The following LPP variants were observed in gnomAD, a reference collection of about 807,000 sequenced individuals.
LPP encodes the protein lipoma-preferred partner.
In LPP, 38 loss-of-function variants were observed where a neutral mutation model predicts 60.4. The ratio of observed to expected loss-of-function variants is 0.63; its 90% CI spans 0.49 to 0.83. The LOEUF is 0.83. Ranked by LOEUF, LPP falls within the 40% of genes least tolerant of loss-of-function variation. LPP has a pLI of 0.00. For synonymous variants in LPP, 328 were observed against 290.8 expected, an observed-to-expected ratio of 1.13 and a Z score of -1.30; for missense variants, 902 against 783.6, an observed-to-expected ratio of 1.15 and a Z score of -1.80.
intron 7 of LPP, among the ~76,000 whole-genome samples, chr3:188,695,505 G>A (rs969325416): frequency 3.3e-5 from 5 of 152,108 alleles, no homozygotes; most frequent in Non-Finnish European, 5.9e-5. Flanking sequence ...ACAAATAATC[G>A]TGCGCCACTG....
At chr3:188,780,165 G>T (rs766857490) in intron 9 of LPP, among the ~76,000 whole-genome samples, 1 of 152,080 alleles carries the variant, frequency 6.6e-6, no homozygotes, top group African/African-American at 2.4e-5. Flanking sequence ...GGAGAGTTCC[G>T]ACGAGGTACA....
Position 188,556,375 on chromosome 3 carries a change from A to G in LPP, c.429+31588A>G, listed in dbSNP as rs575620270. ...TTTTACTTTTGAAAGGAAAGAAATGATATGTTTTGTCTCATAGGTTTATTG... is the reference window on the plus strand; with the variant it reads ...TTTTACTTTTGAAAGGAAAGAAATGGTATGTTTTGTCTCATAGGTTTATTG... On this transcript the variant is annotated intron_variant, in intron 6 of 11. Transcript: ENST00000617246. 7.2e-5 allele frequency among the ~76,000 whole-genome samples: 11 copies of G among 152,120 alleles called. No homozygotes were observed. In the South Asian group the frequency reaches 2.1e-3, roughly 29 times the overall value.
At position 188,609,774 on chromosome 3, in the gene LPP, T is replaced by A. The variant is rs570145252; in HGVS notation, c.1043T>A (p.Val348Asp). The change falls in exon 7 of 12, where the codon GTC (valine) becomes GAC (aspartate). Residue 348 changes from valine (V) to aspartate (D), a missense_variant. Physicochemically the swap from Val to Asp is radical, Grantham distance 152 (BLOSUM62 -3). Coordinates refer to ENST00000617246, the MANE Select transcript of LPP (RefSeq NM_001375462.1). The surrounding 1 kb of genome is among the most constrained non-coding windows in gnomAD (Gnocchi z 6.9). ...CAGAACCCTCCTGGGATGTATCCAG[T>A]CACTGGTCCCAAGAAGACCTATATC... ...GNQNPPGMYP[V>D]TGPKKTYITD... 1.5e-5 allele frequency: 24 copies of A among 1,614,022 alleles called. No individual in the cohort carries two copies. In the East Asian group the frequency reaches 5.1e-4, roughly 34 times the overall value.
chr3:188,834,448 G>A (rs1330685081), intron 9 of LPP, among the ~76,000 whole-genome samples: 12 of 148,928 alleles, frequency 8.1e-5, no homozygotes, highest in Non-Finnish European at 1.2e-4. Context: ...GTTCCTTGAC[G>A]TTCCATTGGG....
chr3:188,684,242 A>G lies in LPP; in HGVS notation c.1114-24025A>G, dbSNP rs370625496. Among the ~76,000 whole-genome samples the G allele has an allele frequency of 1.5e-4, 23 of 152,384 alleles. No homozygotes were observed. In the South Asian group the frequency reaches 4.3e-3, roughly 29 times the overall value. Reference sequence around the variant, plus strand: ...TCCATTAGACAGTTTTATCACGGACACATCAAGTTCCATGTACAACAGGCT... The same window carrying G: ...TCCATTAGACAGTTTTATCACGGACGCATCAAGTTCCATGTACAACAGGCT... On this transcript the variant is annotated intron_variant, in intron 7 of 11. Coordinates refer to ENST00000617246, the MANE Select transcript of LPP (RefSeq NM_001375462.1).
At chr3:188,763,166 T>C (rs56117743) in intron 9 of LPP, among the ~76,000 whole-genome samples, 4,692 of 152,198 alleles carry the variant, frequency 0.031, 89 homozygotes, top group South Asian at 0.083. Flanking sequence ...TTGCCTTTGG[T>C]TACACTGTTG....
chr3:188,605,505 G>A (rs1429449212), intron 6 of LPP, among the ~76,000 whole-genome samples: 1 of 152,128 alleles, frequency 6.6e-6, no homozygotes, highest in Non-Finnish European at 1.5e-5. Flanking sequence ...CATTCAAGCA[G>A]ACACATGAAA....
Position 188,570,773 on chromosome 3 carries a change from T to C in LPP, c.430-38388T>C, listed in dbSNP as rs192742990. ...GAGTTCTCAACAGGAAAGCAATAGA[T>C]CTAGTAGACGACATTGTATGGTGGG... On this transcript the variant is annotated intron_variant, in intron 6 of 11. Coordinates refer to ENST00000617246, the MANE Select transcript of LPP (RefSeq NM_001375462.1). Among the ~76,000 whole-genome samples, 32 of 151,986 alleles carry C rather than the reference T, an allele frequency of 2.1e-4. No individual in the cohort carries two copies. The East Asian group carries it at 6.0e-3, about 29-fold the overall frequency.
chr3:188,202,026 A>G (rs76641083), intron 1 of LPP, among the ~76,000 whole-genome samples: 1,722 of 151,766 alleles, frequency 0.011, 47 homozygotes, highest in African/African-American at 0.039. Context: ...AATGGGAGAA[A>G]GTTTATGGTG....
intron 7 of LPP, among the ~76,000 whole-genome samples, chr3:188,690,558 C>T (rs1440844421): frequency 6.6e-6 from 1 of 151,998 alleles, no homozygotes; most frequent in African/African-American, 2.4e-5. Context: ...TTTCGTGTTC[C>T]CTTTGAGCAC....
chr3:188,223,485 C>A (rs1716588065), intron 1 of LPP, among the ~76,000 whole-genome samples: 1 of 152,194 alleles, frequency 6.6e-6, no homozygotes. Context: ...GAACTTCAAT[C>A]ATTTCACAGT....
At chr3:188,542,760 G>A (rs1426261) in intron 6 of LPP, among the ~76,000 whole-genome samples, 76,505 of 151,932 alleles carry the variant, frequency 0.5, 19,767 homozygotes, top group East Asian at 0.92. Context: ...AGGGAGTTGA[G>A]TTGAGCCAAG....
chr3:188,839,309 G>A (rs1759306860), intron 9 of LPP, among the ~76,000 whole-genome samples: 1 of 152,144 alleles, frequency 6.6e-6, no homozygotes, highest in South Asian at 2.1e-4. Context: ...GAATCTTACT[G>A]CAAGGGCCGA....
chr3:188,609,298 A>G lies in LPP; in HGVS notation c.567A>G (p.Gly189=), dbSNP rs756509361. 13 of 1,614,072 alleles carry G rather than the reference A, an allele frequency of 8.1e-6. No individual in the cohort carries two copies. The South Asian group carries it at 1.3e-4, about 16-fold the overall frequency. The change falls in exon 7 of 12, where the codon GGA becomes GGG. Residue 189 remains glycine, a synonymous_variant. Transcript: ENST00000617246. This position sits in a 1 kb window ranked among gnomAD's most constrained non-coding sequence, Gnocchi z 6.9. The stretch of plus-strand genomic sequence containing the variant: ...AACCACAGCCTGCACCCCAGGCTGG[A>G]CCCATCCCTGTGGCTCCAATCGGAA... ...TLKPQPAPQA[G]PIPVAPIGTL... is the part of the protein sequence containing the mutation.
chr3:188,845,138 T>C (rs1183936759), intron 9 of LPP, among the ~76,000 whole-genome samples: 2 of 152,226 alleles, frequency 1.3e-5, no homozygotes, highest in African/African-American at 4.8e-5. Flanking sequence ...TTTTACCAAA[T>C]TGAGATTGGA....
chr3:188,242,332 G>T (rs1246249621), intron 2 of LPP, among the ~76,000 whole-genome samples: 2 of 151,468 alleles, frequency 1.3e-5, no homozygotes, highest in African/African-American at 4.9e-5. Flanking sequence ...GTCTCTGCTT[G>T]ATTCTTCTTG....
intron 7 of LPP, among the ~76,000 whole-genome samples, chr3:188,672,474 T>A (rs1048954162): frequency 2.6e-4 from 39 of 152,158 alleles, no homozygotes; most frequent in Admixed American, 5.2e-4. Flanking sequence ...TTAGGGAGGG[T>A]TAAAGGACTG....
intron 7 of LPP, among the ~76,000 whole-genome samples, chr3:188,686,599 G>A (rs889671110): frequency 3.3e-5 from 5 of 152,112 alleles, no homozygotes; most frequent in Non-Finnish European, 5.9e-5. Context: ...TTCTTCCTAG[G>A]CCTCACCCCT....
At chr3:188,417,770 C>T (rs780983658) in intron 4 of LPP, among the ~76,000 whole-genome samples, 2 of 152,164 alleles carry the variant, frequency 1.3e-5, no homozygotes, top group Non-Finnish European at 2.9e-5. Context: ...ATGAAATGTG[C>T]CTGTGCATAC....
Sources: gnomAD v4.1 joint callset for allele counts (sites outside exome capture counted in the v4.1 genomes callset) on GRCh38, gnomAD v4.1.1 for gene constraint, Gnocchi (gnomAD v3.1) non-coding constraint, MANE v1.5 for transcripts, NCBI Gene and HGNC (gene_info 2026-07-23, HGNC 2026-07-21) for gene names.